Variants in UBN2 observed in about 807,000 individuals in gnomAD.
The protein encoded by UBN2 is ubinuclein 2.
UBN2 carries 35 observed loss-of-function variants against 120.2 expected under a neutral mutation model. The ratio of observed to expected loss-of-function variants is 0.29; its 90% CI spans 0.22 to 0.39. The LOEUF (loss-of-function observed/expected upper bound fraction) is 0.39, where lower values mean the gene tolerates loss of function less well. Ranked by LOEUF, UBN2 falls within the 10% of genes least tolerant of loss-of-function variation. The pLI, the probability that UBN2 is intolerant of heterozygous loss-of-function variation, is 1.00. For missense variants in UBN2, 1,693 were observed against 1,663.2 expected (o/e 1.02, Z -0.31); for synonymous variants, 661 against 648.7 (o/e 1.02, Z -0.29).
rs556108193 is a variant in UBN2, at chr7:139,247,132, T to A, written c.562-4824T>A. 1.1e-4 allele frequency among the ~76,000 whole-genome samples: 16 copies of A among 151,960 alleles called. No homozygotes were observed. The South Asian group carries it at 3.1e-3, about 30-fold the overall frequency. Reference sequence around the variant, plus strand: ...GTATGCTTAATAAGAAACTACCTGATTCGCTGAGAGAGAGCTTTAAAGGAA... The same window carrying A: ...GTATGCTTAATAAGAAACTACCTGAATCGCTGAGAGAGAGCTTTAAAGGAA... On this transcript the variant is annotated intron_variant, in intron 2 of 17. Coordinates refer to ENST00000473989, the MANE Select transcript of UBN2 (RefSeq NM_173569.4).
chr7:139,328,164 T>C, the UBN2 span, among the ~76,000 whole-genome samples: 1 of 152,244 alleles, frequency 6.6e-6, no homozygotes, highest in Non-Finnish European at 1.5e-5. Context: ...GGGTAATTTA[T>C]AAAGAATAGA....
chr7:139,302,064 A>G lies in UBN2; in HGVS notation c.*4228A>G, dbSNP rs2131086778. 2 of 152,304 alleles carry G rather than the reference A, an allele frequency of 1.3e-5. No individual in the cohort carries two copies. Among genetic ancestry groups the G allele is most frequent in the South Asian group, 4.1e-4 (2 of 4,828 alleles). 9.4% of individuals were successfully genotyped at this position (152,304 alleles called of 1,614,324 possible). On this transcript the variant is annotated 3_prime_UTR_variant, in exon 18 of 18. Coordinates refer to ENST00000473989, the MANE Select transcript of UBN2 (RefSeq NM_173569.4). The stretch of plus-strand genomic sequence containing the variant: ...TACTCCTCTAAAACATGCTCAATTC[A>G]GGCCTTTGTCTTTGTTAAGTGCCTT...
At chr7:139,296,962 A>T (rs908167916) in intron 17 of UBN2, among the ~76,000 whole-genome samples, 3 of 152,140 alleles carry the variant, frequency 2.0e-5, no homozygotes, top group African/African-American at 7.2e-5. Context: ...TGGGAGGTTG[A>T]GGCAGGGTGG....
the UBN2 span, among the ~76,000 whole-genome samples, chr7:139,326,480 A>G: frequency 1.3e-5 from 2 of 152,082 alleles, no homozygotes; most frequent in Non-Finnish European, 2.9e-5. Flanking sequence ...ACCCTTTGAC[A>G]AACTTTGTTT....
chr7:139,313,275 TTG>T, the UBN2 span, among the ~76,000 whole-genome samples: 1 of 152,210 alleles, frequency 6.6e-6, no homozygotes, highest in African/African-American at 2.4e-5. Flanking sequence ...CAGATTTTTT[TTG>T]TGTCTTCCAA....
In UBN2 at chr7:139,303,221, CT is replaced by C. The variant is rs1305663391; in HGVS notation, c.*5387del. ...TTATTTGCTAGATAATTACATTTGG[CT>C]TAATCTGATTTTATGGTTATTTAGA... On this transcript the variant is annotated 3_prime_UTR_variant, in exon 18 of 18. Transcript: ENST00000473989. 4 of 152,128 alleles carry C rather than the reference CT, an allele frequency of 2.6e-5. No individual in the cohort carries two copies. The highest frequency in any genetic ancestry group is 9.7e-5 in the African/African-American group (4 of 41,410). The allele number at this position is 152,128 out of a possible 1,614,324, so 9.4% of individuals were successfully genotyped here. A position where few individuals can be genotyped will look rare whatever the true frequency, so the allele number is the denominator to read the frequency against.
Position 139,299,703 on chromosome 7 carries a change from A to T in UBN2, c.*1867A>T, listed in dbSNP as rs1045107495. The T allele has an allele frequency of 6.6e-5, 10 of 152,154 alleles. No individual in the cohort carries two copies. Among genetic ancestry groups the T allele is most frequent in the African/African-American group, 2.4e-4 (10 of 41,436 alleles). The allele number at this position is 152,154 out of a possible 1,614,324, so 9.4% of individuals were successfully genotyped here. A position where few individuals can be genotyped will look rare whatever the true frequency, so the allele number is the denominator to read the frequency against. Reference sequence around the variant, plus strand: ...GATATTTTGGAAGGATACTGGGAGGATGTTGCAGAGAGGTTTGACTTGAAT... The same window carrying T: ...GATATTTTGGAAGGATACTGGGAGGTTGTTGCAGAGAGGTTTGACTTGAAT... On this transcript the variant is annotated 3_prime_UTR_variant, in exon 18 of 18. Coordinates refer to ENST00000473989, the MANE Select transcript of UBN2 (RefSeq NM_173569.4).
intron 4 of UBN2, 84 bp from the exon 5 acceptor site, chr7:139,259,183 A>C (rs1796854843): frequency 1.3e-6 from 2 of 1,541,936 alleles, no homozygotes; most frequent in African/African-American, 1.4e-5. Context: ...ATTTGAGAAA[A>C]ACCACTGCTG....
In UBN2 at chr7:139,269,526, A is replaced by G. The variant is rs934413831; in HGVS notation, c.1596+3A>G. The G allele has an allele frequency of 1.2e-6, 2 of 1,613,630 alleles. No individual in the cohort carries two copies. The highest frequency in any genetic ancestry group is 1.7e-6 in the Non-Finnish European group (2 of 1,179,886). On this transcript the variant is annotated splice_donor_region_variant and intron_variant, in intron 8 of 17. Coordinates refer to ENST00000473989, the MANE Select transcript of UBN2 (RefSeq NM_173569.4). ...AGAAGTTACATCTCAATGTCCAGGT[A>G]AGAGGAAGAACAATAATATCTACAT...
At chr7:139,320,684 C>T in the UBN2 span, among the ~76,000 whole-genome samples, 1 of 151,792 alleles carries the variant, frequency 6.6e-6, no homozygotes, top group Admixed American at 6.6e-5. Context: ...ATGGTGAAAC[C>T]CGTCTCTACT....
chr7:139,283,148 A>C lies in UBN2; in HGVS notation c.2243A>C (p.Glu748Ala), dbSNP rs1307726824. Residue 748 changes from glutamate to alanine, a missense_variant, in exon 15 of 18, where the codon GAA (glutamate) becomes GCA (alanine). Coordinates refer to ENST00000473989, the MANE Select transcript of UBN2 (RefSeq NM_173569.4). ...AASSSSAPAQ[E>A]TICLDDSLDE... The stretch of plus-strand genomic sequence containing the variant: ...AGCTCTAGCTCTGCACCAGCCCAAG[A>C]AACCATCTGCCTCGACGACTCACTA... The C allele has an allele frequency of 4.3e-6, 7 of 1,612,210 alleles. No individual in the cohort carries two copies. Among genetic ancestry groups the C allele is most frequent in the Non-Finnish European group, 4.2e-6 (5 of 1,179,786 alleles).
At chr7:139,293,786 A>G in intron 16 of UBN2, 103 bp from the exon 17 acceptor site, 1 of 1,063,354 alleles carries the variant, frequency 9.4e-7, no homozygotes, top group Non-Finnish European at 1.4e-6. Flanking sequence ...AGGCCTTCGA[A>G]GTCAGGTGCT....
At chr7:139,285,927 A>T (rs779443224) in intron 15 of UBN2, among the ~76,000 whole-genome samples, 1 of 151,266 alleles carries the variant, frequency 6.6e-6, no homozygotes, top group African/African-American at 2.4e-5. Flanking sequence ...ATATTTATTT[A>T]TTATTATTAT....
intron 15 of UBN2, among the ~76,000 whole-genome samples, chr7:139,291,471 T>C (rs1397759207): frequency 6.7e-6 from 1 of 150,132 alleles, no homozygotes; most frequent in Non-Finnish European, 1.5e-5. Flanking sequence ...ACAAAAGAAA[T>C]CTCAGAATGA....
chr7:139,274,770 AAAAAAAGAAAAAG>A (rs1278586626), intron 11 of UBN2, among the ~76,000 whole-genome samples: 3 of 151,804 alleles, frequency 2.0e-5, no homozygotes, highest in Non-Finnish European at 4.4e-5. Context: ...CTCAAAAAAA[AAAAAAAGAAAAAG>A]AAAAAAGAAA....
intron 11 of UBN2, among the ~76,000 whole-genome samples, chr7:139,275,136 G>A (rs1797403407): frequency 6.6e-6 from 1 of 151,520 alleles, no homozygotes; most frequent in Admixed American, 6.6e-5. Flanking sequence ...AAATTAGCTG[G>A]GCATGGTGGT....
intron 7 of UBN2, 117 bp downstream of exon 7, chr7:139,266,520 T>C: frequency 1.8e-6 from 1 of 542,380 alleles, no homozygotes; most frequent in South Asian, 2.6e-5. Context: ...CCCTTAAGCC[T>C]TACAGCATGT....
rs1441102023 is a variant in UBN2, at chr7:139,231,555, G to A, written c.71G>A (p.Gly24Glu). Reference sequence around the variant, plus strand: ...CGGCGGCGCGAGGCCGAGTACCCGGGGCCCGAGCGTGAGCCCGAGTACCCC... The same window carrying A: ...CGGCGGCGCGAGGCCGAGTACCCGGAGCCCGAGCGTGAGCCCGAGTACCCC... ...PVRRREAEYPGPEREPEYPRE... is the reference protein window; with the variant it reads ...PVRRREAEYPEPEREPEYPRE... Residue 24 changes from glycine (G) to glutamate (E), a missense_variant, in exon 1 of 18, where the codon GGG becomes GAG. By Grantham distance (98) the Gly-to-Glu change is moderately conservative (BLOSUM62 -2). Coordinates refer to ENST00000473989, the MANE Select transcript of UBN2 (RefSeq NM_173569.4). 2 of 1,418,886 alleles carry A rather than the reference G, an allele frequency of 1.4e-6. No homozygotes were observed. Among genetic ancestry groups the A allele is most frequent in the Middle Eastern group, 1.9e-4 (1 of 5,398 alleles). 87.9% of individuals were successfully genotyped at this position (1,418,886 alleles called of 1,614,324 possible).
At chr7:139,285,771 C>G (rs1000986427) in intron 15 of UBN2, among the ~76,000 whole-genome samples, 1 of 151,912 alleles carries the variant, frequency 6.6e-6, no homozygotes, top group African/African-American at 2.4e-5. Flanking sequence ...AAGACAGAGT[C>G]TCGCTCTGTC....
Sources: gnomAD v4.1 joint callset for allele counts (sites outside exome capture counted in the v4.1 genomes callset) on GRCh38, gnomAD v4.1.1 for gene constraint, MANE v1.5 for transcripts, NCBI Gene and HGNC (gene_info 2026-07-23, HGNC 2026-07-21) for gene names.